The following SYK variants were observed in gnomAD, a reference collection of about 807,000 sequenced individuals.
The protein encoded by SYK is spleen associated tyrosine kinase.
A neutral mutation model predicts 77.8 loss-of-function variants in SYK; 16 were observed. That is an observed-to-expected ratio of 0.21 (90% CI 0.14 to 0.31). The LOEUF (loss-of-function observed/expected upper bound fraction) is 0.31. Among genes scored for constraint, SYK ranks in the 10% least tolerant of loss-of-function variants. The probability of loss-of-function intolerance (pLI) is 1.00; values close to 1 mark genes in which losing one functional copy is unlikely to be tolerated. For synonymous variants in SYK, 312 were observed against 308.7 expected (o/e 1.01, Z -0.11); for missense variants, 529 against 814.4 (o/e 0.65, Z 4.26).
At chr9:90,886,432 C>T (rs984508183) in intron 11 of SYK, among the ~76,000 whole-genome samples, 2 of 152,306 alleles carry the variant, frequency 1.3e-5, no homozygotes, top group East Asian at 1.9e-4. Flanking sequence ...AGGCTGGGCA[C>T]GGTGGCTCAC....
intron 1 of SYK, among the ~76,000 whole-genome samples, chr9:90,805,237 G>A (rs969197353): frequency 1.3e-5 from 2 of 152,200 alleles, no homozygotes; most frequent in Non-Finnish European, 2.9e-5. Context: ...GATTACTGAG[G>A]AGTACTGTGA....
chr9:90,811,893 A>C (rs1587805285), intron 1 of SYK, among the ~76,000 whole-genome samples: 2 of 149,940 alleles, frequency 1.3e-5, no homozygotes, highest in African/African-American at 2.5e-5. Flanking sequence ...GCCACTGCAC[A>C]CCAGCCTGGG....
At chr9:90,832,979 G>A (rs912036620) in intron 1 of SYK, among the ~76,000 whole-genome samples, 4 of 152,164 alleles carry the variant, frequency 2.6e-5, no homozygotes, top group Admixed American at 2.6e-4. Flanking sequence ...TGCTCATACG[G>A]CTGGTCACTT....
At chr9:90,840,052 G>T (rs1476138070) in intron 1 of SYK, among the ~76,000 whole-genome samples, 1 of 151,862 alleles carries the variant, frequency 6.6e-6, no homozygotes, top group Non-Finnish European at 1.5e-5. Context: ...GGCAGCAGTG[G>T]AAAGGACAGG....
chr9:90,815,373 C>G (rs985125387), intron 1 of SYK, among the ~76,000 whole-genome samples: 1 of 152,208 alleles, frequency 6.6e-6, no homozygotes, highest in African/African-American at 2.4e-5. Flanking sequence ...GCCACTGGCC[C>G]CTCGGCTCCA....
At chr9:90,883,190 G>A (rs1828223003) in intron 11 of SYK, among the ~76,000 whole-genome samples, 1 of 152,056 alleles carries the variant, frequency 6.6e-6, no homozygotes, top group African/African-American at 2.4e-5. Context: ...CCCAGGGACA[G>A]ATCCCCCTGC....
At chr9:90,803,388 AT>A (rs150171917) in intron 1 of SYK, among the ~76,000 whole-genome samples, 5 of 151,564 alleles carry the variant, frequency 3.3e-5, no homozygotes, top group East Asian at 3.9e-4. Context: ...TTGTGGGAAG[AT>A]TTTTTTTTAA....
At chr9:90,842,943 C>T (rs1399355735) in intron 1 of SYK, among the ~76,000 whole-genome samples, 2 of 152,120 alleles carry the variant, frequency 1.3e-5, no homozygotes, top group African/African-American at 4.8e-5. Context: ...TAGTTTACAA[C>T]CATGATTGAG....
intron 11 of SYK, among the ~76,000 whole-genome samples, chr9:90,880,993 C>A (rs1210828588): frequency 1.3e-5 from 2 of 152,178 alleles, no homozygotes; most frequent in Non-Finnish European, 2.9e-5. Flanking sequence ...AGAGCAGTTA[C>A]CCAAGAGGCA....
chr9:90,866,363 A>T (rs1206794492), intron 6 of SYK, among the ~76,000 whole-genome samples: 1 of 152,224 alleles, frequency 6.6e-6, no homozygotes, highest in East Asian at 1.9e-4. Flanking sequence ...AGGTTGAAAC[A>T]GGGGAGGCTG....
intron 1 of SYK, among the ~76,000 whole-genome samples, chr9:90,841,235 A>G (rs1826308786): frequency 6.7e-6 from 1 of 148,670 alleles, no homozygotes; most frequent in Non-Finnish European, 1.5e-5. Flanking sequence ...GTGTGTATGT[A>G]GTTTGTGTGT....
At chr9:90,860,454 T>C (rs1217592460) in intron 3 of SYK, among the ~76,000 whole-genome samples, 1 of 152,168 alleles carries the variant, frequency 6.6e-6, no homozygotes, top group African/African-American at 2.4e-5. Context: ...TGTTGTGTTG[T>C]GTTGTATTTA....
intron 1 of SYK, among the ~76,000 whole-genome samples, chr9:90,828,781 T>G (rs1825771974): frequency 6.6e-6 from 1 of 152,152 alleles, no homozygotes; most frequent in Non-Finnish European, 1.5e-5. Context: ...ACTGCAGAGA[T>G]GTCTCCCAGG....
intron 11 of SYK, among the ~76,000 whole-genome samples, chr9:90,884,166 C>T (rs62554371): frequency 0.38 from 29,019 of 76,816 alleles, 8,077 homozygotes; most frequent in Admixed American, 0.53. Context: ...TATATACACA[C>T]ATACACATAC....
rs1041165547 is a variant in SYK at position 90,854,987 on chromosome 9, C to G, written c.579-7219C>G. The stretch of plus-strand genomic sequence containing the variant: ...CTTCTTCCCCCTACAGCCCGCCTCT[C>G]TCTCTCTCACACACACACATACATA... On this transcript the variant is annotated intron_variant, in intron 3 of 13. Coordinates refer to ENST00000375754, the MANE Select transcript of SYK (RefSeq NM_003177.7). Among the ~76,000 whole-genome samples, 8 of 133,264 alleles carry G rather than the reference C, an allele frequency of 6.0e-5. No homozygotes were observed. The Admixed American group carries it at 6.5e-4, about 11-fold the overall frequency. 87.4% of individuals were successfully genotyped at this position (133,264 alleles called of 152,430 possible). A position where few individuals can be genotyped will look rare whatever the true frequency, so the allele number is the denominator to read the frequency against.
chr9:90,878,670 G>C (rs1245292391), intron 10 of SYK, 94 bp from the exon 11 acceptor site: 1 of 1,035,890 alleles, frequency 9.7e-7, no homozygotes, highest in Non-Finnish European at 1.4e-6. Context: ...GAGGGAAGGA[G>C]TAGATTCACC....
chr9:90,851,336 C>T (rs143252621), intron 3 of SYK, among the ~76,000 whole-genome samples: 186 of 152,340 alleles, frequency 1.2e-3, no homozygotes, highest in African/African-American at 4.3e-3. Flanking sequence ...AGCTTACCCA[C>T]ACCATTCAGG....
intron 1 of SYK, among the ~76,000 whole-genome samples, chr9:90,833,207 G>A (rs1825957256): frequency 6.6e-6 from 1 of 152,234 alleles, no homozygotes; most frequent in Non-Finnish European, 1.5e-5. Context: ...GTACCAGGAA[G>A]TGAGGATCAC....
intron 1 of SYK, among the ~76,000 whole-genome samples, chr9:90,817,909 G>A (rs1825354269): frequency 6.6e-6 from 1 of 151,622 alleles, no homozygotes; most frequent in South Asian, 2.1e-4. Flanking sequence ...GAGAGAGAGA[G>A]GGTGAAAGAG....
Sources: allele counts gnomAD v4.1 joint callset (sites outside exome capture counted in the v4.1 genomes callset), GRCh38; gene constraint gnomAD v4.1.1; transcripts MANE v1.5; gene names NCBI Gene and HGNC (gene_info 2026-07-23, HGNC 2026-07-21).